GPC5: variants seen among roughly 807,000 people sequenced by gnomAD.
The protein encoded by GPC5 is glypican 5, also known as glypican-5.
Under a neutral mutation model 53.9 loss-of-function variants are expected in GPC5, and 47 were observed. The observed-to-expected ratio is 0.87, with a 90% CI of 0.69 to 1.11. GPC5 has a LOEUF of 1.11. GPC5 is among the 50% of genes most tolerant of loss of function. The probability of loss-of-function intolerance (pLI) is 0.00; values close to 1 mark genes in which losing one functional copy is unlikely to be tolerated. For missense variants in GPC5, 748 were observed against 713.1 expected, an observed-to-expected ratio of 1.05 and a Z score of -0.56; for synonymous variants, 286 against 263.3, an observed-to-expected ratio of 1.09 and a Z score of -0.84.
At chr13:92,292,725 G>T (rs2043006564) in intron 7 of GPC5, among the ~76,000 whole-genome samples, 2 of 152,046 alleles carry the variant, frequency 1.3e-5, no homozygotes, top group African/African-American at 4.8e-5. Flanking sequence ...TGGGTTCTTG[G>T]TCATGAAAAC....
rs375902771 is a variant in GPC5, at chr13:91,756,291, T to G, written c.1155-4T>G. 13 of 1,481,212 alleles carry G rather than the reference T, an allele frequency of 8.8e-6. No homozygotes were observed. Among genetic ancestry groups the G allele is most frequent in the Non-Finnish European group, 1.1e-5 (12 of 1,100,862 alleles). 91.8% of individuals were successfully genotyped at this position (1,481,212 alleles called of 1,614,324 possible). Reference sequence around the variant, plus strand: ...TTAATTGTTTTCTTTCTTCTTTCATTTAGAGAATTTATCAACAGCCTTCGA... The same window carrying G: ...TTAATTGTTTTCTTTCTTCTTTCATGTAGAGAATTTATCAACAGCCTTCGA... On this transcript the variant is annotated splice_polypyrimidine_tract_variant and splice_region_variant and intron_variant, in intron 4 of 7. Transcript: ENST00000377067.
At chr13:92,082,387 C>T (rs908356233) in intron 6 of GPC5, among the ~76,000 whole-genome samples, 3 of 152,036 alleles carry the variant, frequency 2.0e-5, no homozygotes, top group South Asian at 2.1e-4. Flanking sequence ...GTAGCCTCCT[C>T]GTGATTTCAT....
At chr13:92,777,329 C>T (rs1460381273) in intron 7 of GPC5, among the ~76,000 whole-genome samples, 3 of 112,724 alleles carry the variant, frequency 2.7e-5, no homozygotes, top group Non-Finnish European at 5.2e-5. Flanking sequence ...GAGGGAGACT[C>T]CATCTCAAAA....
intron 3 of GPC5, among the ~76,000 whole-genome samples, chr13:91,704,372 A>G (rs941465852): frequency 6.6e-6 from 1 of 152,112 alleles, no homozygotes; most frequent in Non-Finnish European, 1.5e-5. Context: ...TTCAGTTTTT[A>G]TATGACCATA....
intron 7 of GPC5, among the ~76,000 whole-genome samples, chr13:92,843,529 C>G (rs1878501793): frequency 6.6e-6 from 1 of 152,116 alleles, no homozygotes; most frequent in Admixed American, 6.6e-5. Context: ...TCCCTCCACT[C>G]TTTTGGTATT....
At position 92,626,126 on chromosome 13, in the gene GPC5, A is replaced by G. The variant is rs183509670; in HGVS notation, c.1562-240156A>G. 5.1e-4 allele frequency among the ~76,000 whole-genome samples: 77 copies of G among 152,344 alleles called. No individual in the cohort carries two copies. The East Asian group carries it at 0.012, about 24-fold the overall frequency. On this transcript the variant is annotated intron_variant, in intron 7 of 7. Coordinates refer to ENST00000377067, the MANE Select transcript of GPC5 (RefSeq NM_004466.6). The stretch of plus-strand genomic sequence containing the variant: ...TTACAATTATATAATAACTTTTTCT[A>G]TACTTACAATACTCAGATTATATAG...
intron 6 of GPC5, among the ~76,000 whole-genome samples, chr13:91,986,098 C>A (rs1267964076): frequency 4.7e-5 from 5 of 105,938 alleles, no homozygotes; most frequent in Non-Finnish European, 8.7e-5. Flanking sequence ...CGGAGTCTTG[C>A]TGTGTCGCCC....
Position 91,899,837 on chromosome 13 carries a change from G to A in GPC5, c.1281-8100G>A, listed in dbSNP as rs150596130. Among the ~76,000 whole-genome samples the A allele has an allele frequency of 9.9e-4, 150 of 152,236 alleles. 1 individual carries two copies. Among genetic ancestry groups the A allele is most frequent in the African/African-American group, 3.3e-3 (136 of 41,558 alleles). On this transcript the variant is annotated intron_variant, in intron 5 of 7. Transcript: ENST00000377067. ...TTCCTCCTGAGGGTCTTCAGAGGGA[G>A]TATGGCCCTGCCAACATCTTGATTT...
chr13:92,509,008 G>A (rs942436644), intron 7 of GPC5, among the ~76,000 whole-genome samples: 32 of 152,124 alleles, frequency 2.1e-4, no homozygotes, highest in Non-Finnish European at 1.0e-4. Context: ...AGAAAAACCT[G>A]TGCTTGTGAA....
chr13:92,111,163 T>C (rs1242136614), intron 6 of GPC5, among the ~76,000 whole-genome samples: 1 of 152,192 alleles, frequency 6.6e-6, no homozygotes, highest in Non-Finnish European at 1.5e-5. Flanking sequence ...ATCACAAAAC[T>C]AGCACTTCCT....
At chr13:91,757,807 C>A (rs1274504135) in intron 5 of GPC5, among the ~76,000 whole-genome samples, 3 of 152,044 alleles carry the variant, frequency 2.0e-5, no homozygotes, top group African/African-American at 7.2e-5. Context: ...CCTCTATATG[C>A]AGATAGGTGG....
chr13:92,799,773 T>G (rs958696338), intron 7 of GPC5, among the ~76,000 whole-genome samples: 8 of 151,842 alleles, frequency 5.3e-5, no homozygotes, highest in African/African-American at 1.9e-4. Context: ...CACACACTGC[T>G]TTTTGAATGT....
At chr13:92,256,033 T>C (rs1319936228) in intron 7 of GPC5, among the ~76,000 whole-genome samples, 7 of 152,180 alleles carry the variant, frequency 4.6e-5, no homozygotes, top group South Asian at 4.1e-4. Context: ...TCCAACAACA[T>C]TGATGTTACT....
chr13:92,468,013 A>T (rs1392787347), intron 7 of GPC5, among the ~76,000 whole-genome samples: 2 of 152,106 alleles, frequency 1.3e-5, no homozygotes, highest in East Asian at 3.9e-4. Context: ...ATTGAAATTA[A>T]TGTTTCTAGA....
intron 2 of GPC5, among the ~76,000 whole-genome samples, chr13:91,559,190 C>A (rs938740255): frequency 7.9e-5 from 12 of 152,136 alleles, no homozygotes; most frequent in Non-Finnish European, 1.2e-4. Flanking sequence ...CTACTGCATG[C>A]AGAATCAGCC....
rs1877962184 is a variant in GPC5 at position 92,449,313 on chromosome 13, T to TCTG, written c.1561+304326_1561+304328dup. Among the ~76,000 whole-genome samples, 4 of 152,314 alleles carry TCTG rather than the reference T, an allele frequency of 2.6e-5. No individual in the cohort carries two copies. In the South Asian group the frequency reaches 6.2e-4, roughly 24 times the overall value. On this transcript the variant is annotated intron_variant, in intron 7 of 7. Coordinates refer to ENST00000377067, the MANE Select transcript of GPC5 (RefSeq NM_004466.6). ...CTTTTTGTTCCTTTGGCCCTTGACCTCTGCACTTTGACTCTAATCCTTGTT... is the reference window on the plus strand; with the variant it reads ...CTTTTTGTTCCTTTGGCCCTTGACCTCTGCTGCACTTTGACTCTAATCCTTGTT...
At chr13:91,438,894 G>T (rs1483566453) in intron 1 of GPC5, among the ~76,000 whole-genome samples, 1 of 152,182 alleles carries the variant, frequency 6.6e-6, no homozygotes, top group East Asian at 1.9e-4. Context: ...CTGCTGCCTT[G>T]CAGTTTGATC....
intron 6 of GPC5, among the ~76,000 whole-genome samples, chr13:91,932,026 T>A (rs535099252): frequency 6.6e-6 from 1 of 152,076 alleles, no homozygotes; most frequent in African/African-American, 2.4e-5. Flanking sequence ...TGTACAATGA[T>A]GTGTCAATTA....
intron 2 of GPC5, among the ~76,000 whole-genome samples, chr13:91,472,383 CA>C (rs577719676): frequency 6.6e-6 from 1 of 152,278 alleles, no homozygotes; most frequent in South Asian, 2.1e-4. Context: ...CTACTTTAGA[CA>C]GTTTACCTAA....
Sources: allele counts gnomAD v4.1 joint callset (sites outside exome capture counted in the v4.1 genomes callset), GRCh38; gene constraint gnomAD v4.1.1; transcripts MANE v1.5; gene names NCBI Gene and HGNC (gene_info 2026-07-23, HGNC 2026-07-21).